The following SGCZ variants were observed in gnomAD, a reference collection of about 807,000 sequenced individuals.
SGCZ encodes the protein sarcoglycan zeta.
Under a neutral mutation model 41.3 loss-of-function variants are expected in SGCZ, and 40 were observed. The observed-to-expected ratio is 0.97, with a 90% confidence interval of 0.75 to 1.26. The LOEUF (loss-of-function observed/expected upper bound fraction) is 1.26. Ranked by LOEUF, SGCZ falls within the 50% of genes most tolerant of loss-of-function variation. The pLI, the probability that SGCZ is intolerant of heterozygous loss-of-function variation, is 0.00. For missense variants in SGCZ, 552 were observed against 369.8 expected, an observed-to-expected ratio of 1.49 and a Z score of -4.04; for synonymous variants, 206 against 137.5, an observed-to-expected ratio of 1.50 and a Z score of -3.49.
chr8:15,082,750 A>G (rs149123479), intron 1 of SGCZ, among the ~76,000 whole-genome samples: 1 of 152,142 alleles, frequency 6.6e-6, no homozygotes, highest in Admixed American at 6.5e-5. Context: ...CCTTCTTATT[A>G]AGTCAATATG....
At position 14,807,123 on chromosome 8, in the gene SGCZ, A is replaced by G. The variant is rs530537691; in HGVS notation, c.40-252197T>C. Among the ~76,000 whole-genome samples the G allele has an allele frequency of 4.8e-3, 724 of 151,838 alleles. 3 individuals carry two copies. Among genetic ancestry groups the G allele is most frequent in the African/African-American group, 0.011 (470 of 41,446 alleles). On this transcript the variant is annotated intron_variant, in intron 1 of 7. Coordinates refer to ENST00000382080, the MANE Select transcript of SGCZ (RefSeq NM_139167.4). ...CTATGACAAACCCACAGCCAATATC[A>G]TACTGAATGGGCAAAAACTGGAAGC... is the stretch of plus-strand genomic sequence containing the variant.
rs930488359 is a variant in SGCZ at position 15,145,968 on chromosome 8, G to A, written c.39+91617C>T. Among the ~76,000 whole-genome samples, 23 of 151,628 alleles carry A rather than the reference G, an allele frequency of 1.5e-4. 1 individual carries two copies. Among genetic ancestry groups the A allele is most frequent in the African/African-American group, 5.4e-4 (22 of 40,950 alleles). ...CAAAAAGGCAAAGAGAATGGGTGAGGGGGTAACAGTAGAGGAACAAGGGGA... is the reference window on the plus strand; with the variant it reads ...CAAAAAGGCAAAGAGAATGGGTGAGAGGGTAACAGTAGAGGAACAAGGGGA... On this transcript the variant is annotated intron_variant, in intron 1 of 7. Transcript: ENST00000382080.
At chr8:14,236,730 T>C (rs908979601) in intron 4 of SGCZ, among the ~76,000 whole-genome samples, 4 of 151,584 alleles carry the variant, frequency 2.6e-5, no homozygotes, top group Non-Finnish European at 5.9e-5. Context: ...TGGTAAGTAA[T>C]TTCTCTGCAG....
At chr8:15,203,702 A>G (rs769900600) in intron 1 of SGCZ, among the ~76,000 whole-genome samples, 1 of 152,218 alleles carries the variant, frequency 6.6e-6, no homozygotes, top group African/African-American at 2.4e-5. Context: ...GACCTCTTAC[A>G]GCCTGCCGTT....
intron 7 of SGCZ, among the ~76,000 whole-genome samples, chr8:14,098,137 A>G (rs547212299): frequency 2.0e-5 from 3 of 152,326 alleles, no homozygotes; most frequent in East Asian, 3.9e-4. Context: ...AAATGAATAC[A>G]TTATAAAACA....
At chr8:15,178,349 G>T (rs140602783) in intron 1 of SGCZ, among the ~76,000 whole-genome samples, 1 of 151,876 alleles carries the variant, frequency 6.6e-6, no homozygotes, top group East Asian at 1.9e-4. Flanking sequence ...ACATTGTAGC[G>T]CAGAGATCTG....
At chr8:14,922,977 T>G (rs1052315398) in intron 1 of SGCZ, among the ~76,000 whole-genome samples, 3 of 152,234 alleles carry the variant, frequency 2.0e-5, no homozygotes, top group Non-Finnish European at 4.4e-5. Context: ...ACTGCAGTAC[T>G]TTTATAATTG....
At chr8:14,295,502 T>C (rs1184396933) in intron 3 of SGCZ, among the ~76,000 whole-genome samples, 1 of 152,204 alleles carries the variant, frequency 6.6e-6, no homozygotes, top group Non-Finnish European at 1.5e-5. Context: ...ATTAATTTCA[T>C]ATAGTAAGAA....
chr8:15,157,952 G>T (rs765066321), intron 1 of SGCZ, among the ~76,000 whole-genome samples: 1 of 152,090 alleles, frequency 6.6e-6, no homozygotes, highest in Non-Finnish European at 1.5e-5. Flanking sequence ...CCATTCCAGG[G>T]CCGCTCTTGC....
At chr8:14,097,670 C>G (rs1046056818) in intron 7 of SGCZ, among the ~76,000 whole-genome samples, 3 of 152,086 alleles carry the variant, frequency 2.0e-5, no homozygotes, top group Non-Finnish European at 2.9e-5. Context: ...GTTGATCTGA[C>G]TAATATTGAC....
At chr8:14,616,257 TG>T (rs1346068930) in intron 1 of SGCZ, among the ~76,000 whole-genome samples, 2 of 147,762 alleles carry the variant, frequency 1.4e-5, no homozygotes, top group Non-Finnish European at 3.0e-5. Flanking sequence ...CACTCCAACC[TG>T]GGCCACAGAG....
At chr8:14,837,017 C>G (rs1802723400) in intron 1 of SGCZ, among the ~76,000 whole-genome samples, 1 of 152,116 alleles carries the variant, frequency 6.6e-6, no homozygotes, top group Non-Finnish European at 1.5e-5. Flanking sequence ...TTATTTTCTT[C>G]TTTAAAAATA....
chr8:14,466,794 C>A (rs1801063055), intron 2 of SGCZ, among the ~76,000 whole-genome samples: 1 of 151,530 alleles, frequency 6.6e-6, no homozygotes, highest in South Asian at 2.1e-4. Context: ...TCTAAAATAC[C>A]TTTTGATTTC....
intron 4 of SGCZ, among the ~76,000 whole-genome samples, chr8:14,226,365 C>G (rs984214433): frequency 2.0e-5 from 3 of 151,984 alleles, no homozygotes; most frequent in African/African-American, 4.8e-5. Context: ...CCTCAGAAAA[C>G]TCTCTTGTGC....
At chr8:14,827,185 ATGTGCC>A (rs1352264900) in intron 1 of SGCZ, among the ~76,000 whole-genome samples, 2 of 150,852 alleles carry the variant, frequency 1.3e-5, no homozygotes, top group Non-Finnish European at 3.0e-5. Flanking sequence ...ACAGACTCCA[ATGTGCC>A]AAGGATTGTT....
chr8:14,563,875 A>C (rs1032229256), intron 1 of SGCZ, among the ~76,000 whole-genome samples: 1 of 152,182 alleles, frequency 6.6e-6, no homozygotes, highest in East Asian at 1.9e-4. Flanking sequence ...AATATAATTG[A>C]TATAATTTTT....
At chr8:15,120,098 G>A (rs565204220) in intron 1 of SGCZ, among the ~76,000 whole-genome samples, 2 of 152,260 alleles carry the variant, frequency 1.3e-5, no homozygotes, top group South Asian at 4.1e-4. Context: ...CTCCCACCTC[G>A]GCCTTCCGAA....
chr8:14,345,141 GA>G (rs570783111), intron 2 of SGCZ, among the ~76,000 whole-genome samples: 2 of 151,980 alleles, frequency 1.3e-5, no homozygotes, highest in Non-Finnish European at 2.9e-5. Context: ...AAACTTCATA[GA>G]AAAGGATAGT....
At chr8:14,793,524 A>G (rs1160132994) in intron 1 of SGCZ, among the ~76,000 whole-genome samples, 25 of 152,220 alleles carry the variant, frequency 1.6e-4, no homozygotes, top group Admixed American at 1.6e-3. Flanking sequence ...GGAAACTCAA[A>G]AGGTGGTAGA....
Sources: allele counts gnomAD v4.1 joint callset (sites outside exome capture counted in the v4.1 genomes callset), GRCh38; gene constraint gnomAD v4.1.1; transcripts MANE v1.5; gene names NCBI Gene and HGNC (gene_info 2026-07-23, HGNC 2026-07-21).